PDS5B: variants seen among roughly 807,000 people sequenced by gnomAD.
PDS5B encodes the protein sister chromatid cohesion protein PDS5 homolog B.
A neutral mutation model predicts 184.1 loss-of-function variants in PDS5B; 51 were observed. The observed-to-expected ratio is 0.28, with a 90% CI of 0.22 to 0.35. The LOEUF is 0.35. Ranked by LOEUF, PDS5B falls within the 10% of genes least tolerant of loss-of-function variation. The pLI is 1.00. For missense variants in PDS5B, 1,180 were observed against 1,723.3 expected (o/e 0.68, Z 5.58); for synonymous variants, 566 against 569.2 (o/e 0.99, Z 0.08).
At chr13:32,647,380 C>G (rs1280125880) in intron 1 of PDS5B, among the ~76,000 whole-genome samples, 1 of 152,156 alleles carries the variant, frequency 6.6e-6, no homozygotes, top group Non-Finnish European at 1.5e-5. Flanking sequence ...AAGCAGCTCC[C>G]CTACTGCAGC....
intron 1 of PDS5B, among the ~76,000 whole-genome samples, chr13:32,621,063 A>G (rs1202935655): frequency 6.6e-6 from 1 of 152,214 alleles, no homozygotes; most frequent in Non-Finnish European, 1.5e-5. Context: ...AAATTCTGTT[A>G]GTGCTGTGGT....
intron 28 of PDS5B, among the ~76,000 whole-genome samples, chr13:32,758,922 G>A (rs1954279871): frequency 6.6e-6 from 1 of 152,100 alleles, no homozygotes; most frequent in Non-Finnish European, 1.5e-5. Flanking sequence ...AATGGCCATT[G>A]TTCAAAATGG....
At chr13:32,625,204 C>T (rs1455344985) in intron 1 of PDS5B, among the ~76,000 whole-genome samples, 1 of 152,064 alleles carries the variant, frequency 6.6e-6, no homozygotes, top group Non-Finnish European at 1.5e-5. Flanking sequence ...GCAGCCTTGA[C>T]CATCTGGGCT....
chr13:32,640,615 A>G (rs1049112417), intron 1 of PDS5B, among the ~76,000 whole-genome samples: 1 of 152,230 alleles, frequency 6.6e-6, no homozygotes, highest in Admixed American at 6.5e-5. Context: ...AATAATATGC[A>G]TATGATAATT....
intron 19 of PDS5B, among the ~76,000 whole-genome samples, chr13:32,713,931 A>G (rs1319559353): frequency 6.6e-6 from 1 of 152,082 alleles, no homozygotes; most frequent in Non-Finnish European, 1.5e-5. Flanking sequence ...GTTCTTTTCT[A>G]TTTTTCCTAA....
At chr13:32,747,071 T>C (rs1953772781) in intron 24 of PDS5B, among the ~76,000 whole-genome samples, 1 of 152,218 alleles carries the variant, frequency 6.6e-6, no homozygotes, top group Admixed American at 6.5e-5. Context: ...GTTTTCAGAT[T>C]ATAAGCAGTG....
rs1049363094 is a variant in PDS5B at position 32,651,058 on chromosome 13, T to G, written c.109-746T>G. Among the ~76,000 whole-genome samples the G allele has an allele frequency of 2.6e-5, 4 of 152,222 alleles. No individual in the cohort carries two copies. The East Asian group carries it at 7.7e-4, about 29-fold the overall frequency. On this transcript the variant is annotated intron_variant, in intron 2 of 34. Transcript: ENST00000315596. ...AGACTGAGATCATCATTGTAATTAC[T>G]AATATTGAAATCAGAGAAAGCTCTT...
At chr13:32,727,128 TTA>T (rs1427774577) in intron 19 of PDS5B, among the ~76,000 whole-genome samples, 1 of 152,142 alleles carries the variant, frequency 6.6e-6, no homozygotes, top group African/African-American at 2.4e-5. Flanking sequence ...CTTCTATTCT[TTA>T]TGTCTGCTTT....
At chr13:32,726,208 T>C (rs970408913) in intron 19 of PDS5B, among the ~76,000 whole-genome samples, 3 of 151,718 alleles carry the variant, frequency 2.0e-5, no homozygotes, top group Non-Finnish European at 4.4e-5. Context: ...GTATGCACAT[T>C]TGATAAAATG....
In PDS5B at chr13:32,770,412, C is replaced by A. The variant is rs1954740965; in HGVS notation, c.3916C>A (p.Pro1306Thr). 1 of 1,610,800 alleles carries A rather than the reference C, an allele frequency of 6.2e-7. No homozygotes were observed. Among genetic ancestry groups the A allele is most frequent in the Non-Finnish European group, 8.5e-7 (1 of 1,179,014 alleles). The change falls in exon 32 of 35, where the codon CCA becomes ACA. Residue 1306 changes from proline (P) to threonine (T), a missense_variant. Around this residue, in one of 11 missense-constraint regions of PDS5B, gnomAD observed 465 missense variants for 497.8 expected, o/e 0.93. Transcript: ENST00000315596. ...TGGTGGAGGTACACCAAAAGAAGAG[C>A]CAACAATGAAAACTTCTAAAAAAGG... ...PLGGGTPKEE[P>T]TMKTSKKGSK...
At position 32,746,068 on chromosome 13, in the gene PDS5B, G is replaced by T. The variant is rs2140982677; in HGVS notation, c.2704G>T (p.Glu902Ter). The change falls in exon 24 of 35, where the codon GAA becomes TAA. Residue 902 changes from glutamate (E) to a stop codon, truncating the protein, a stop_gained. Transcript: ENST00000315596. LOFTEE classifies it high-confidence loss of function. ...CTGTTACCATGAAATCATCACATTA[G>T]AACAATATCAGCTATGTGCATTAGC... The part of the protein sequence containing the change: ...EPCYHEIITL[E>*]QYQLCALAIN... 6.2e-7 allele frequency: 1 copy of T among 1,613,448 alleles called. No homozygotes were observed. Among genetic ancestry groups the T allele is most frequent in the Admixed American group, 1.7e-5 (1 of 60,016 alleles).
intron 1 of PDS5B, among the ~76,000 whole-genome samples, chr13:32,595,182 G>A (rs2057841937): frequency 6.6e-6 from 1 of 151,638 alleles, no homozygotes; most frequent in Admixed American, 6.6e-5. Flanking sequence ...AAAAAAAAAT[G>A]TTGTAGGGGA....
chr13:32,747,843 A>G (rs115581334), intron 24 of PDS5B, among the ~76,000 whole-genome samples: 2,325 of 152,360 alleles, frequency 0.015, 60 homozygotes, highest in African/African-American at 0.054. Context: ...TAAAAAACAC[A>G]AAGTATGCAA....
At chr13:32,622,017 C>CAT (rs2058309025) in intron 1 of PDS5B, among the ~76,000 whole-genome samples, 2 of 151,908 alleles carry the variant, frequency 1.3e-5, no homozygotes, top group Non-Finnish European at 2.9e-5. Flanking sequence ...ATGTTAATCT[C>CAT]TTTTTTTCTA....
At chr13:32,668,413 A>G in intron 7 of PDS5B, among the ~76,000 whole-genome samples, 1 of 152,272 alleles carries the variant, frequency 6.6e-6, no homozygotes, top group East Asian at 1.9e-4. Context: ...AAATCTACTT[A>G]CTTATGGTTG....
chr13:32,719,684 C>T (rs1198106272), intron 19 of PDS5B, among the ~76,000 whole-genome samples: 2 of 151,782 alleles, frequency 1.3e-5, no homozygotes, highest in South Asian at 2.1e-4. Context: ...TAGATAAAAG[C>T]CAAAATCATG....
Position 32,777,733 on chromosome 13 carries a change from T to G in PDS5B, c.*2681T>G, listed in dbSNP as rs1010102663. The G allele has an allele frequency of 6.6e-6, 1 of 152,412 alleles. No homozygotes were observed. Among genetic ancestry groups the G allele is most frequent in the African/African-American group, 2.4e-5 (1 of 41,446 alleles). The allele number at this position is 152,412 out of a possible 1,614,324, so 9.4% of individuals were successfully genotyped here. On this transcript the variant is annotated 3_prime_UTR_variant, in exon 35 of 35. Transcript: ENST00000315596. ...GCAGTGCAACAGGAGGCTTTTTCAG[T>G]GATCTTCACTGTATATGTAAATTAC... is the stretch of plus-strand genomic sequence containing the variant.
At chr13:32,730,008 AAGTC>A (rs1232408377) in intron 19 of PDS5B, among the ~76,000 whole-genome samples, 1 of 152,168 alleles carries the variant, frequency 6.6e-6, no homozygotes, top group Admixed American at 6.5e-5. Flanking sequence ...TTTAGTCATG[AAGTC>A]TTTGCCCATG....
chr13:32,659,968 T>G (rs948861270), intron 6 of PDS5B, among the ~76,000 whole-genome samples: 2 of 152,144 alleles, frequency 1.3e-5, no homozygotes, highest in African/African-American at 4.8e-5. Flanking sequence ...AATTCCAAAC[T>G]CTTAAAGAAA....
Sources: gnomAD v4.1 joint callset for allele counts (sites outside exome capture counted in the v4.1 genomes callset) on GRCh38, gnomAD v4.1.1 for gene constraint, gnomAD v4.1.1 regional missense constraint, MANE v1.5 for transcripts, NCBI Gene and HGNC (gene_info 2026-07-23, HGNC 2026-07-21) for gene names.